Variants in SLMAP observed in about 807,000 individuals in gnomAD.
The protein encoded by SLMAP is sarcolemma associated protein, also known as sarcolemmal membrane-associated protein.
Under a neutral mutation model 128.8 loss-of-function variants are expected in SLMAP, and 44 were observed. The observed-to-expected ratio is 0.34, with a 90% CI of 0.27 to 0.44. The LOEUF is 0.44. Ranked by LOEUF, SLMAP falls within the 20% of genes least tolerant of loss-of-function variation. The pLI, the probability that SLMAP is intolerant of heterozygous loss-of-function variation, is 1.00. For missense variants in SLMAP, 787 were observed against 985.3 expected (o/e 0.80, Z 2.69); for synonymous variants, 327 against 348.8 (o/e 0.94, Z 0.70).
At chr3:57,877,110 CTT>C (rs2095622153) in intron 14 of SLMAP, among the ~76,000 whole-genome samples, 2 of 151,634 alleles carry the variant, frequency 1.3e-5, no homozygotes, top group South Asian at 4.2e-4. Flanking sequence ...TGAGACTTAA[CTT>C]TTTGTTGTTA....
chr3:57,906,304 T>TTTTTCTTTTTCTTTTTC (rs373233450), intron 17 of SLMAP, among the ~76,000 whole-genome samples: 1 of 113,562 alleles, frequency 8.8e-6, no homozygotes, highest in African/African-American at 3.2e-5. Flanking sequence ...TTTTTTCTTT[T>TTTTTCTTTTTCTTTTTC]TTTTTCTTTT....
At chr3:57,826,965 T>A (rs2092970923) in intron 2 of SLMAP, among the ~76,000 whole-genome samples, 1 of 152,228 alleles carries the variant, frequency 6.6e-6, no homozygotes, top group African/African-American at 2.4e-5. Flanking sequence ...CTGTGTCACC[T>A]ACTTTTGTTA....
At chr3:57,870,359 T>A (rs567635004) in intron 13 of SLMAP, among the ~76,000 whole-genome samples, 20 of 152,278 alleles carry the variant, frequency 1.3e-4, no homozygotes, top group East Asian at 3.9e-4. Flanking sequence ...AGATTTTTTT[T>A]AAATTTCAAA....
intron 15 of SLMAP, 89 bp from the exon 16 acceptor site, chr3:57,896,422 A>T: frequency 6.9e-7 from 1 of 1,450,718 alleles, no homozygotes; most frequent in East Asian, 2.6e-5. Context: ...GCGTACCTGT[A>T]GATTTTGAGC....
At chr3:57,911,213 TC>T in intron 19 of SLMAP, among the ~76,000 whole-genome samples, 1 of 152,152 alleles carries the variant, frequency 6.6e-6, no homozygotes, top group Non-Finnish European at 1.5e-5. Context: ...CATGTGTATT[TC>T]ACGACTGTAT....
intron 3 of SLMAP, among the ~76,000 whole-genome samples, chr3:57,839,281 A>G (rs1056649804): frequency 2.0e-5 from 3 of 151,942 alleles, no homozygotes; most frequent in Non-Finnish European, 2.9e-5. Context: ...TTATATAATC[A>G]ATTAGTAATG....
chr3:57,842,414 G>A (rs1345752890), intron 4 of SLMAP, among the ~76,000 whole-genome samples: 3 of 151,750 alleles, frequency 2.0e-5, no homozygotes, highest in Non-Finnish European at 4.4e-5. Flanking sequence ...TTCTATTTGC[G>A]ATTACAGCTT....
chr3:57,806,830 G>A (rs929585486), intron 2 of SLMAP, among the ~76,000 whole-genome samples: 1 of 152,190 alleles, frequency 6.6e-6, no homozygotes, highest in African/African-American at 2.4e-5. Context: ...AAACATATGT[G>A]TGCATGTGTC....
At chr3:57,786,306 A>G (rs935022859) in intron 2 of SLMAP, among the ~76,000 whole-genome samples, 3 of 152,306 alleles carry the variant, frequency 2.0e-5, no homozygotes, top group Admixed American at 6.5e-5. Flanking sequence ...TGGGACATGT[A>G]TGTTCTGGTG....
intron 17 of SLMAP, among the ~76,000 whole-genome samples, chr3:57,907,169 T>A (rs757820621): frequency 1.5e-4 from 23 of 152,114 alleles, no homozygotes; most frequent in African/African-American, 4.8e-4. Flanking sequence ...CTGGGACTAC[T>A]GGCACCTGCC....
At chr3:57,854,823 A>G (rs2094691088) in intron 6 of SLMAP, among the ~76,000 whole-genome samples, 1 of 152,200 alleles carries the variant, frequency 6.6e-6, no homozygotes, top group Non-Finnish European at 1.5e-5. Context: ...ATACACATGT[A>G]TACATGTATA....
intron 22 of SLMAP, 61 bp downstream of exon 22, chr3:57,917,138 G>A: frequency 6.2e-7 from 1 of 1,607,122 alleles, no homozygotes; most frequent in East Asian, 2.3e-5. Context: ...AAGCAAATCG[G>A]ATATCCATGC....
chr3:57,874,338 T>G (rs1316291403), intron 14 of SLMAP, among the ~76,000 whole-genome samples: 1 of 152,184 alleles, frequency 6.6e-6, no homozygotes, highest in African/African-American at 2.4e-5. Context: ...GATTTTTATT[T>G]TGAACTTTTA....
chr3:57,847,990 G>C (rs748904641), intron 5 of SLMAP, among the ~76,000 whole-genome samples: 3 of 152,134 alleles, frequency 2.0e-5, no homozygotes, highest in Non-Finnish European at 4.4e-5. Flanking sequence ...TAATGGTCCT[G>C]CTAATTTAGA....
At chr3:57,819,273 C>A (rs2092271947) in intron 2 of SLMAP, among the ~76,000 whole-genome samples, 1 of 152,038 alleles carries the variant, frequency 6.6e-6, no homozygotes, top group Non-Finnish European at 1.5e-5. Context: ...TGAGTAAAGA[C>A]CAAGATGTTT....
At chr3:57,783,785 G>A (rs1288658532) in intron 2 of SLMAP, among the ~76,000 whole-genome samples, 1 of 152,190 alleles carries the variant, frequency 6.6e-6, no homozygotes, top group Non-Finnish European at 1.5e-5. Context: ...GGCTATCCCT[G>A]TCATCACGGG....
chr3:57,841,046 A>G (rs532434564), intron 3 of SLMAP, among the ~76,000 whole-genome samples: 1 of 152,278 alleles, frequency 6.6e-6, no homozygotes, highest in African/African-American at 2.4e-5. Context: ...CTGACTTTTT[A>G]TTGACTATTA....
At chr3:57,784,101 A>G (rs1373611570) in intron 2 of SLMAP, among the ~76,000 whole-genome samples, 1 of 152,152 alleles carries the variant, frequency 6.6e-6, no homozygotes, top group Non-Finnish European at 1.5e-5. Context: ...GCCCAGACAG[A>G]GATGTGTAGG....
intron 2 of SLMAP, among the ~76,000 whole-genome samples, chr3:57,792,241 T>G (rs1268659384): frequency 6.6e-6 from 1 of 152,066 alleles, no homozygotes; most frequent in Non-Finnish European, 1.5e-5. Flanking sequence ...TATAAATGCT[T>G]TAAGTAAGAG....
Sources: allele counts gnomAD v4.1 joint callset (sites outside exome capture counted in the v4.1 genomes callset), GRCh38; gene constraint gnomAD v4.1.1; transcripts MANE v1.5; gene names NCBI Gene and HGNC (gene_info 2026-07-23, HGNC 2026-07-21).